The following SOS1 variants were observed in gnomAD, a reference collection of about 807,000 sequenced individuals.
SOS1 encodes son of sevenless homolog 1.
SOS1 carries 25 observed loss-of-function variants against 157.6 expected under a neutral mutation model. The observed-to-expected ratio is 0.16, with a 90% CI of 0.12 to 0.22. SOS1 has a LOEUF of 0.22. SOS1 is among the 10% of genes least tolerant of loss of function. SOS1 has a pLI of 1.00. For synonymous variants in SOS1, 528 were observed against 534.0 expected, an observed-to-expected ratio of 0.99 and a Z score of 0.16; for missense variants, 1,237 against 1,599.1, an observed-to-expected ratio of 0.77 and a Z score of 3.86.
chr2:39,110,039 C>CGTGTGTGTGTGTGTGT (rs779110307), intron 1 of SOS1, among the ~76,000 whole-genome samples: 15 of 135,386 alleles, frequency 1.1e-4, no homozygotes, highest in South Asian at 2.4e-4. Context: ...TGTGTGTGTG[C>CGTGTGTGTGTGTGTGT]GTGTGTGTGT....
chr2:39,010,497 G>A (rs866608461), intron 15 of SOS1, 87 bp downstream of exon 15: 20 of 1,275,660 alleles, frequency 1.6e-5, no homozygotes, highest in East Asian at 4.7e-5. Flanking sequence ...GCAAAACTCC[G>A]TCTCAAAAAA....
intron 6 of SOS1, among the ~76,000 whole-genome samples, chr2:39,045,243 G>GGA (rs1308718638): frequency 0.012 from 1,018 of 83,132 alleles, 6 homozygotes; most frequent in Admixed American, 0.022. Flanking sequence ...AGAGAGAGAG[G>GGA]GAGAGAGAGA....
intron 8 of SOS1, among the ~76,000 whole-genome samples, chr2:39,029,917 T>C (rs1319487711): frequency 6.6e-6 from 1 of 152,038 alleles, no homozygotes; most frequent in East Asian, 1.9e-4. Context: ...CTATAATCCC[T>C]GTACTTTGGG....
intron 1 of SOS1, among the ~76,000 whole-genome samples, chr2:39,092,517 A>G (rs529667573): frequency 2.6e-5 from 4 of 151,722 alleles, no homozygotes; most frequent in African/African-American, 4.8e-5. Flanking sequence ...AACCTCCTTT[A>G]TTTTCTTTAT....
chr2:39,105,753 A>T (rs998961851), intron 1 of SOS1, among the ~76,000 whole-genome samples: 1 of 152,010 alleles, frequency 6.6e-6, no homozygotes, highest in Non-Finnish European at 1.5e-5. Context: ...AAAAAAAAAT[A>T]GCTGGGTGTA....
At chr2:39,052,575 A>G (rs898534639) in intron 5 of SOS1, among the ~76,000 whole-genome samples, 21 of 152,234 alleles carry the variant, frequency 1.4e-4, no homozygotes, top group African/African-American at 4.8e-4. Flanking sequence ...TTTTGTGCCT[A>G]GTTTTTTGCT....
At chr2:39,077,093 A>G (rs2148160735) in intron 1 of SOS1, among the ~76,000 whole-genome samples, 1 of 152,342 alleles carries the variant, frequency 6.6e-6, no homozygotes, top group Admixed American at 6.5e-5. Flanking sequence ...CTGTAATCCC[A>G]GCACTTTGGG....
At chr2:39,083,474 T>C (rs1672276319) in intron 1 of SOS1, among the ~76,000 whole-genome samples, 1 of 152,166 alleles carries the variant, frequency 6.6e-6, no homozygotes, top group Non-Finnish European at 1.5e-5. Flanking sequence ...AATGTAGCAA[T>C]AGCACATAAT....
At chr2:39,042,303 G>A (rs879657041) in intron 6 of SOS1, among the ~76,000 whole-genome samples, 1 of 152,044 alleles carries the variant, frequency 6.6e-6, no homozygotes, top group Non-Finnish European at 1.5e-5. Flanking sequence ...TTATCTGGGG[G>A]ACAACTGGTA....
At chr2:39,009,067 C>G (rs1245590565) in intron 15 of SOS1, among the ~76,000 whole-genome samples, 1 of 151,736 alleles carries the variant, frequency 6.6e-6, no homozygotes, top group Admixed American at 6.6e-5. Context: ...ATTATGAATA[C>G]GGTCACGGAA....
intron 14 of SOS1, among the ~76,000 whole-genome samples, chr2:39,011,117 G>A (rs112913488): frequency 0.029 from 4,484 of 152,086 alleles, 228 homozygotes; most frequent in African/African-American, 0.1. Context: ...GGCTGGTCTC[G>A]AACTCCTGAC....
Position 39,010,564 on chromosome 2 carries a change from A to G in SOS1, c.2510+20T>C. 6.2e-7 allele frequency: 1 copy of G among 1,604,622 alleles called. No individual in the cohort carries two copies. The highest frequency in any genetic ancestry group is 8.5e-7 in the Non-Finnish European group (1 of 1,171,562). On this transcript the variant is annotated intron_variant, in intron 15 of 22. Transcript: ENST00000402219. ...ACATAGCTGACAGCTATAAAATATA[A>G]GAATGCTAGGAATACTTACTTCTCA...
At chr2:39,106,079 G>A (rs949249345) in intron 1 of SOS1, among the ~76,000 whole-genome samples, 3 of 151,812 alleles carry the variant, frequency 2.0e-5, no homozygotes, top group East Asian at 1.9e-4. Flanking sequence ...AATTAGCCGC[G>A]CATGGTGGTA....
upstream of SOS1, among the ~76,000 whole-genome samples, chr2:39,122,624 T>C (rs1673934084): frequency 6.6e-6 from 1 of 152,136 alleles, no homozygotes. Flanking sequence ...AAAATATACA[T>C]ACTTGGTTTA....
chr2:39,096,146 AG>A (rs1672757873), intron 1 of SOS1, among the ~76,000 whole-genome samples: 2 of 152,254 alleles, frequency 1.3e-5, no homozygotes, highest in Non-Finnish European at 2.9e-5. Context: ...TAACCTAGAC[AG>A]GGGAAAGCAA....
At chr2:39,014,919 C>A in intron 10 of SOS1, 73 bp from the exon 11 acceptor site, 1 of 864,034 alleles carries the variant, frequency 1.2e-6, no homozygotes, top group South Asian at 1.4e-5. Flanking sequence ...TGTACATTTT[C>A]AAAATAGATC....
chr2:39,114,243 G>A (rs1190312311), intron 1 of SOS1, among the ~76,000 whole-genome samples: 1 of 151,582 alleles, frequency 6.6e-6, no homozygotes, highest in African/African-American at 2.4e-5. Context: ...CCACAGGTGC[G>A]TGCCACCAAG....
At chr2:39,123,353 C>CTTT (rs1211540543), upstream of SOS1, among the ~76,000 whole-genome samples, 1 of 141,668 alleles carries the variant, frequency 7.1e-6, no homozygotes. Flanking sequence ...GAGAAACAAT[C>CTTT]TTTTTTTTTT....
At chr2:39,036,024 G>A (rs1275844444) in intron 6 of SOS1, among the ~76,000 whole-genome samples, 5 of 152,156 alleles carry the variant, frequency 3.3e-5, no homozygotes, top group East Asian at 3.9e-4. Flanking sequence ...CCAAAATTTT[G>A]CCATCATTAA....
Sources: gnomAD v4.1 joint callset for allele counts (sites outside exome capture counted in the v4.1 genomes callset) on GRCh38, gnomAD v4.1.1 for gene constraint, MANE v1.5 for transcripts, NCBI Gene and HGNC (gene_info 2026-07-23, HGNC 2026-07-21) for gene names.